The following S100Z variants were observed in gnomAD, a reference collection of about 807,000 sequenced individuals.
S100Z encodes the protein protein S100-Z.
S100Z carries 11 observed loss-of-function variants against 8.5 expected under a neutral mutation model. The observed-to-expected ratio is 1.30, with a 90% CI of 0.82 to 2.15. S100Z has a LOEUF of 2.15. Among genes scored for constraint, S100Z ranks in the 30% most tolerant of loss-of-function variants. The pLI is 0.00. For missense variants in S100Z, 126 were observed against 117.9 expected (o/e 1.07, Z -0.32); for synonymous variants, 34 against 43.8 (o/e 0.78, Z 0.89).
At chr5:76,875,556 T>G in intron 3 of S100Z, 56 bp downstream of exon 3, 12 of 1,497,150 alleles carry the variant, frequency 8.0e-6, no homozygotes, top group Non-Finnish European at 1.1e-5. Context: ...AGGTGCAGAT[T>G]CCAGGACAGC....
At chr5:76,899,290 A>G (rs903650087) in intron 4 of S100Z, among the ~76,000 whole-genome samples, 2 of 151,640 alleles carry the variant, frequency 1.3e-5, no homozygotes, top group Admixed American at 1.3e-4. Flanking sequence ...TTGTTTTTTC[A>G]TCTGTTCAGC....
At position 76,864,899 on chromosome 5, in the gene S100Z, G is replaced by A. The variant is rs146927227; in HGVS notation, c.-175-5267G>A. ...AATTGTTGTATTTTTAGTAGAGATG[G>A]CATTTCACCATATTGGCCAGGCTGG... is the stretch of plus-strand genomic sequence containing the variant. On this transcript the variant is annotated intron_variant, in intron 1 of 4. Transcript: ENST00000317593. 9.0e-3 allele frequency among the ~76,000 whole-genome samples: 1,364 copies of A among 151,846 alleles called. 18 individuals are homozygous for A. The highest frequency in any genetic ancestry group is 0.03 in the African/African-American group (1,261 of 41,362).
At chr5:76,875,573 G>A in intron 3 of S100Z, 73 bp downstream of exon 3, 1 of 1,358,414 alleles carries the variant, frequency 7.4e-7, no homozygotes, top group South Asian at 1.4e-5. Context: ...CAGCCTTTGG[G>A]TTCATACTGT....
chr5:76,859,960 T>C (rs955039306), intron 1 of S100Z, among the ~76,000 whole-genome samples: 1 of 152,122 alleles, frequency 6.6e-6, no homozygotes, highest in African/African-American at 2.4e-5. Context: ...GCTAATTCTT[T>C]GTGGAGAATC....
chr5:76,948,046 C>T, the S100Z span, among the ~76,000 whole-genome samples: 1 of 152,228 alleles, frequency 6.6e-6, no homozygotes, highest in Middle Eastern at 3.4e-3. Flanking sequence ...CTTCTGCAGG[C>T]TGGGAGCCGC....
the S100Z span, among the ~76,000 whole-genome samples, chr5:76,933,232 T>C: frequency 6.6e-6 from 1 of 152,218 alleles, no homozygotes; most frequent in Admixed American, 6.5e-5. Context: ...TCCCATCTCC[T>C]GTTCTCTACT....
At chr5:76,913,502 A>G (rs920766583) in intron 4 of S100Z, among the ~76,000 whole-genome samples, 2 of 152,216 alleles carry the variant, frequency 1.3e-5, no homozygotes, top group Non-Finnish European at 1.5e-5. Context: ...GGAATTATCT[A>G]TACCAATTCT....
At chr5:76,939,794 C>T in the S100Z span, among the ~76,000 whole-genome samples, 1 of 151,712 alleles carries the variant, frequency 6.6e-6, no homozygotes, top group Non-Finnish European at 1.5e-5. Flanking sequence ...ATTACAGGTG[C>T]GAGCCGCCAC....
chr5:76,877,925 T>G, intron 4 of S100Z, 91 bp downstream of exon 4: 1 of 763,190 alleles, frequency 1.3e-6, no homozygotes, highest in East Asian at 2.6e-5. Context: ...GACCCAGTAA[T>G]GTCATTTATA....
chr5:76,864,961 C>A (rs370588400), intron 1 of S100Z, among the ~76,000 whole-genome samples: 2 of 152,294 alleles, frequency 1.3e-5, no homozygotes, highest in South Asian at 2.1e-4. Flanking sequence ...CCCGCCTCAG[C>A]CTCCCAAAGT....
the S100Z span, among the ~76,000 whole-genome samples, chr5:76,936,660 C>T: frequency 9.1e-6 from 1 of 109,456 alleles, no homozygotes; most frequent in Non-Finnish European, 2.4e-5. Context: ...CACACACAAC[C>T]ATGAAGGAAA....
intron 1 of S100Z, among the ~76,000 whole-genome samples, chr5:76,851,224 G>A (rs75752382): frequency 0.029 from 4,382 of 152,276 alleles, 98 homozygotes; most frequent in Middle Eastern, 0.061. Context: ...GCAGTGCCAC[G>A]TGTGCGGCAC....
intron 1 of S100Z, among the ~76,000 whole-genome samples, chr5:76,864,385 TA>T (rs1751187279): frequency 5.1e-5 from 6 of 117,930 alleles, no homozygotes; most frequent in Admixed American, 2.9e-4. Flanking sequence ...ATGCATACTA[TA>T]TTTTTTTTTT....
chr5:76,948,363 G>A, the S100Z span, among the ~76,000 whole-genome samples: 1 of 128,818 alleles, frequency 7.8e-6, no homozygotes, highest in Non-Finnish European at 1.7e-5. Flanking sequence ...CTTCTGCACA[G>A]CAAAGGAAAT....
intron 2 of S100Z, among the ~76,000 whole-genome samples, chr5:76,873,393 C>T (rs1333657757): frequency 6.6e-6 from 1 of 150,996 alleles, no homozygotes; most frequent in East Asian, 1.9e-4. Context: ...TTGCAACCTC[C>T]ACCTCCTGGG....
chr5:76,906,974 GTGTATATA>G (rs1561247419), intron 4 of S100Z, among the ~76,000 whole-genome samples: 3 of 114,718 alleles, frequency 2.6e-5, no homozygotes, highest in African/African-American at 1.1e-4. Context: ...CATTGTGTGT[GTGTATATA>G]TATATATATA....
downstream of S100Z, among the ~76,000 whole-genome samples, chr5:76,926,468 G>A (rs1322080204): frequency 3.3e-5 from 5 of 152,192 alleles, no homozygotes; most frequent in Non-Finnish European, 5.9e-5. Flanking sequence ...GGAGGGCTGT[G>A]GAAGTGGGTG....
intron 4 of S100Z, among the ~76,000 whole-genome samples, chr5:76,917,295 A>T (rs1017196757): frequency 2.0e-5 from 3 of 152,186 alleles, no homozygotes; most frequent in East Asian, 1.9e-4. Context: ...GAGCTTCAAA[A>T]CATAAAATGT....
At chr5:76,934,448 A>C in the S100Z span, among the ~76,000 whole-genome samples, 1 of 152,162 alleles carries the variant, frequency 6.6e-6, no homozygotes, top group Non-Finnish European at 1.5e-5. Flanking sequence ...GGAAAAGGAG[A>C]AATGAGTAGG....
Sources: gnomAD v4.1 joint callset for allele counts (sites outside exome capture counted in the v4.1 genomes callset) on GRCh38, gnomAD v4.1.1 for gene constraint, MANE v1.5 for transcripts, NCBI Gene and HGNC (gene_info 2026-07-23, HGNC 2026-07-21) for gene names.